Variants in XKR4 observed in about 807,000 individuals in gnomAD.
The protein encoded by XKR4 is XK related 4, also known as XK-related protein 4.
XKR4 carries 12 observed loss-of-function variants against 53.9 expected under a neutral mutation model. That is an observed-to-expected ratio of 0.22 (90% CI 0.14 to 0.36). XKR4 has a LOEUF of 0.36. Ranked by LOEUF, XKR4 falls within the 10% of genes least tolerant of loss-of-function variation. XKR4 has a pLI of 1.00. For synonymous variants in XKR4, 354 were observed against 362.4 expected (o/e 0.98, Z 0.26); for missense variants, 799 against 859.5 (o/e 0.93, Z 0.88).
At chr8:55,514,274 A>G (rs1259445798) in intron 2 of XKR4, among the ~76,000 whole-genome samples, 1 of 131,658 alleles carries the variant, frequency 7.6e-6, no homozygotes, top group African/African-American at 2.8e-5. Flanking sequence ...TTTTTTGAGA[A>G]GGAGTCTCAC....
intron 2 of XKR4, among the ~76,000 whole-genome samples, chr8:55,372,041 G>T (rs1371209249): frequency 1.3e-5 from 2 of 152,204 alleles, no homozygotes; most frequent in East Asian, 3.8e-4. Flanking sequence ...ACACAGACAT[G>T]TTCAGGCACA....
chr8:55,169,565 C>T lies in XKR4; in HGVS notation c.806+66271C>T, dbSNP rs77016273. Among the ~76,000 whole-genome samples the T allele has an allele frequency of 1.9e-3, 296 of 152,266 alleles. 2 individuals carry two copies. The highest frequency in any genetic ancestry group is 7.0e-3 in the African/African-American group (291 of 41,536). On this transcript the variant is annotated intron_variant, in intron 1 of 2. Transcript: ENST00000327381. The stretch of plus-strand genomic sequence containing the variant: ...CTTATCCTGGATTATGTAGGGGTAC[C>T]AGGTTGGCCCTTCCACAAAACCATC...
Position 55,540,582 on chromosome 8 carries a change from G to A in XKR4, c.*16355G>A, listed in dbSNP as rs1411568175. The A allele has an allele frequency of 6.6e-6, 1 of 152,120 alleles. No homozygotes were observed. Among genetic ancestry groups the A allele is most frequent in the East Asian group, 1.9e-4 (1 of 5,188 alleles). 9.4% of individuals were successfully genotyped at this position (152,120 alleles called of 1,614,324 possible). A position where few individuals can be genotyped will look rare whatever the true frequency, so the allele number is the denominator to read the frequency against. On this transcript the variant is annotated 3_prime_UTR_variant, in exon 3 of 3. Coordinates refer to ENST00000327381, the MANE Select transcript of XKR4 (RefSeq NM_052898.2). Reference sequence around the variant, plus strand: ...GTAGCCAGACAGCTCAATAGCCTAGGGAGAGTCGATGAAGGATATGCAAAT... The same window carrying A: ...GTAGCCAGACAGCTCAATAGCCTAGAGAGAGTCGATGAAGGATATGCAAAT...
At chr8:55,458,972 C>T (rs1032080780) in intron 2 of XKR4, among the ~76,000 whole-genome samples, 1 of 152,204 alleles carries the variant, frequency 6.6e-6, no homozygotes, top group East Asian at 1.9e-4. Flanking sequence ...CGACCCCACC[C>T]TTTTCTACCT....
At chr8:55,346,683 T>TTGTGTGTG (rs1438938737) in intron 1 of XKR4, among the ~76,000 whole-genome samples, 20 of 55,530 alleles carry the variant, frequency 3.6e-4, no homozygotes, top group African/African-American at 1.8e-3. Flanking sequence ...CCTGTTGAGG[T>TTGTGTGTG]TATGTGTGTG....
intron 1 of XKR4, among the ~76,000 whole-genome samples, chr8:55,253,760 G>T (rs57691855): frequency 0.013 from 1,844 of 145,700 alleles, 39 homozygotes; most frequent in East Asian, 0.04. Flanking sequence ...TTGAGACAGG[G>T]TCTCACTCTG....
chr8:55,455,133 G>A (rs890698906), intron 2 of XKR4: 4 of 616,830 alleles, frequency 6.5e-6, no homozygotes, highest in South Asian at 3.4e-5. Context: ...TCTGTGATCC[G>A]CGCCATGGGG....
intron 2 of XKR4, among the ~76,000 whole-genome samples, chr8:55,443,760 G>C (rs544449446): frequency 7.0e-6 from 1 of 142,800 alleles, no homozygotes; most frequent in East Asian, 2.1e-4. Context: ...GGAATCACTT[G>C]AATCCAGGAG....
At chr8:55,251,489 A>G (rs1427879196) in intron 1 of XKR4, among the ~76,000 whole-genome samples, 1 of 152,228 alleles carries the variant, frequency 6.6e-6, no homozygotes, top group Non-Finnish European at 1.5e-5. Context: ...AAACATAAAG[A>G]CCATTGAAAG....
At chr8:55,519,658 C>T (rs1289395663) in intron 2 of XKR4, among the ~76,000 whole-genome samples, 4 of 152,152 alleles carry the variant, frequency 2.6e-5, no homozygotes, top group African/African-American at 9.7e-5. Context: ...TTGGAATGGA[C>T]ATTGTTAATG....
intron 2 of XKR4, among the ~76,000 whole-genome samples, chr8:55,465,894 C>T (rs1274511720): frequency 1.3e-5 from 2 of 152,234 alleles, no homozygotes; most frequent in East Asian, 1.9e-4. Flanking sequence ...AAATGCTCAT[C>T]ATCACTGGCC....
At chr8:55,293,762 C>T (rs1819063343) in intron 1 of XKR4, among the ~76,000 whole-genome samples, 1 of 152,034 alleles carries the variant, frequency 6.6e-6, no homozygotes, top group Non-Finnish European at 1.5e-5. Flanking sequence ...TAGATGGGTA[C>T]TTATAGGATT....
chr8:55,259,373 G>A (rs1818484549), intron 1 of XKR4, among the ~76,000 whole-genome samples: 2 of 152,230 alleles, frequency 1.3e-5, no homozygotes, highest in Non-Finnish European at 2.9e-5. Flanking sequence ...AAACATGATA[G>A]GAATGGCAGC....
At chr8:55,212,213 A>T (rs139320092) in intron 1 of XKR4, among the ~76,000 whole-genome samples, 3 of 152,176 alleles carry the variant, frequency 2.0e-5, no homozygotes, top group Admixed American at 2.0e-4. Flanking sequence ...AATAGATTGT[A>T]AATGTTTCTT....
chr8:55,206,311 A>G (rs1005083227), intron 1 of XKR4, among the ~76,000 whole-genome samples: 1 of 152,142 alleles, frequency 6.6e-6, no homozygotes, highest in African/African-American at 2.4e-5. Flanking sequence ...CCGTTTTTAC[A>G]GAGGGCTGAT....
chr8:55,310,124 A>T (rs753084730), intron 1 of XKR4, among the ~76,000 whole-genome samples: 1 of 152,206 alleles, frequency 6.6e-6, no homozygotes, highest in Non-Finnish European at 1.5e-5. Context: ...CCCTCTAAAA[A>T]AAGAAGAAAA....
intron 1 of XKR4, among the ~76,000 whole-genome samples, chr8:55,332,362 T>A (rs756453837): frequency 2.0e-5 from 3 of 152,122 alleles, no homozygotes; most frequent in Admixed American, 6.6e-5. Flanking sequence ...ATAATTTTTT[T>A]ATATTTATTC....
At chr8:55,500,181 C>CAAAAAAAAAAAAAAAAAAA (rs36233927) in intron 2 of XKR4, among the ~76,000 whole-genome samples, 1 of 115,610 alleles carries the variant, frequency 8.6e-6, no homozygotes, top group African/African-American at 4.0e-5. Context: ...CAAATTGGGC[C>CAAAAAAAAAAAAAAAAAAA]AAAAAAAAAA....
intron 1 of XKR4, among the ~76,000 whole-genome samples, chr8:55,205,740 G>A (rs1817637826): frequency 6.6e-6 from 1 of 152,130 alleles, no homozygotes; most frequent in Admixed American, 6.5e-5. Context: ...ATTTTTCTCT[G>A]GAGCATCTCA....
Sources: allele counts gnomAD v4.1 joint callset (sites outside exome capture counted in the v4.1 genomes callset), GRCh38; gene constraint gnomAD v4.1.1; transcripts MANE v1.5; gene names NCBI Gene and HGNC (gene_info 2026-07-23, HGNC 2026-07-21).